Variants in ZNF200 observed in about 807,000 individuals in gnomAD.
ZNF200 encodes the protein zinc finger protein 200.
In ZNF200, 35 loss-of-function variants were observed where a neutral mutation model predicts 33.6. That is an observed-to-expected ratio of 1.04 (90% CI 0.80 to 1.38). ZNF200 has a LOEUF of 1.38. ZNF200 is among the 40% of genes most tolerant of loss of function. The pLI, the probability that ZNF200 is intolerant of heterozygous loss-of-function variation, is 0.00. For missense variants in ZNF200, 592 were observed against 470.6 expected (o/e 1.26, Z -2.39); for synonymous variants, 209 against 167.7 (o/e 1.25, Z -1.90).
intron 4 of ZNF200, chr16:3,227,870 A>C (rs887633145): frequency 6.6e-6 from 1 of 152,192 alleles, no homozygotes; most frequent in East Asian, 1.9e-4. Context: ...TTTATCACAC[A>C]CTAAACTCCC....
At position 3,233,518 on chromosome 16, in the gene ZNF200, G is replaced by A. The variant is rs199524171; in HGVS notation, c.238C>T (p.Leu80Phe). ...LVIMKDVSSSLQNRVHPRPLV... is the reference protein window; with the variant it reads ...LVIMKDVSSSFQNRVHPRPLV... ...ATGTGCTTCTCACCTCTGTTCTGAA[G>A]GCTTGAGCTCACATCTTTCATAATA... is the stretch of plus-strand genomic sequence containing the variant. The change falls in exon 2 of 5, where the codon CTT becomes TTT. Residue 80 changes from leucine to phenylalanine, a missense_variant. Coordinates refer to ENST00000414144, the MANE Select transcript of ZNF200 (RefSeq NM_198088.3). 1.2e-4 allele frequency: 189 copies of A among 1,558,256 alleles called. No individual in the cohort carries two copies. The highest frequency in any genetic ancestry group is 1.6e-4 in the Non-Finnish European group (183 of 1,153,668).
At position 3,231,693 on chromosome 16, in the gene ZNF200, C is replaced by T. The variant is rs116966004; in HGVS notation, c.466+728G>A. 5.3e-5 allele frequency among the ~76,000 whole-genome samples: 8 copies of T among 152,284 alleles called. No individual in the cohort carries two copies. In the East Asian group the frequency reaches 9.6e-4, roughly 18 times the overall value. The stretch of plus-strand genomic sequence containing the variant: ...GAATGCCCCATTCACCAACCATACA[C>T]GGAATTCATTGACAAAATTATGAGA... On this transcript the variant is annotated intron_variant, in intron 4 of 4. Transcript: ENST00000414144.
At chr16:3,230,894 G>T (rs1020921943) in intron 4 of ZNF200, among the ~76,000 whole-genome samples, 1 of 152,120 alleles carries the variant, frequency 6.6e-6, no homozygotes, top group Non-Finnish European at 1.5e-5. Flanking sequence ...CCTCAGTCTT[G>T]CGATAGCTCA....
At position 3,231,224 on chromosome 16, in the gene ZNF200, G is replaced by A. The variant is rs533584857; in HGVS notation, c.466+1197C>T. On this transcript the variant is annotated intron_variant, in intron 4 of 4. Coordinates refer to ENST00000414144, the MANE Select transcript of ZNF200 (RefSeq NM_198088.3). ...CACTAACCAGTCACCCAAAATAAAT[G>A]CCAGCTCTGCCCAAGACTCAGGAAA... Among the ~76,000 whole-genome samples, 5 of 152,226 alleles carry A rather than the reference G, an allele frequency of 3.3e-5. No individual in the cohort carries two copies. The South Asian group carries it at 6.2e-4, about 19-fold the overall frequency.
intron 4 of ZNF200, 110 bp from the exon 5 acceptor site, chr16:3,224,723 G>A: frequency 7.1e-7 from 1 of 1,404,436 alleles, no homozygotes; most frequent in Non-Finnish European, 9.5e-7. Context: ...AATCTGGGGA[G>A]TGGCGGATAC....
At chr16:3,228,154 T>C (rs2141626872) in intron 4 of ZNF200, among the ~76,000 whole-genome samples, 1 of 152,306 alleles carries the variant, frequency 6.6e-6, no homozygotes, top group Non-Finnish European at 1.5e-5. Context: ...AACTTTCATG[T>C]TTCTATTCTA....
In ZNF200 at chr16:3,224,226, C is replaced by G. The variant is rs754392450; in HGVS notation, c.854G>C (p.Cys285Ser). The G allele has an allele frequency of 6.2e-7, 1 of 1,614,158 alleles. No homozygotes were observed. The highest frequency in any genetic ancestry group is 8.5e-7 in the Non-Finnish European group (1 of 1,180,042). ...TGEKPYDCNH[C>S]GKSFNHKTNL... ...TGTTTTATGATTGAAGCTTTTCCCA[C>G]AGTGATTACAGTCATAGGGTTTTTC... Residue 285 changes from cysteine to serine, a missense_variant, in exon 5 of 5, where the codon TGT (cysteine) becomes TCT (serine). Coordinates refer to ENST00000414144, the MANE Select transcript of ZNF200 (RefSeq NM_198088.3).
intron 4 of ZNF200, 50 bp downstream of exon 4, chr16:3,232,371 G>A (rs1373974859): frequency 6.3e-7 from 1 of 1,595,234 alleles, no homozygotes; most frequent in Non-Finnish European, 8.6e-7. Context: ...TGAAGGACAT[G>A]CTTTTCCCAA....
In ZNF200 at chr16:3,224,247, T is replaced by C; in HGVS notation, c.833A>G (p.Lys278Arg). The change falls in exon 5 of 5, where the codon AAA becomes AGA. Residue 278 changes from lysine to arginine, a missense_variant. Coordinates refer to ENST00000414144, the MANE Select transcript of ZNF200 (RefSeq NM_198088.3). ...ISHQRTHTGEKPYDCNHCGKS... is the reference protein window; with the variant it reads ...ISHQRTHTGERPYDCNHCGKS... Reference sequence around the variant, plus strand: ...CCCACAGTGATTACAGTCATAGGGTTTTTCTCCAGTGTGGGTCCTCTGGTG... The same window carrying C: ...CCCACAGTGATTACAGTCATAGGGTCTTTCTCCAGTGTGGGTCCTCTGGTG... 1 of 1,614,144 alleles carries C rather than the reference T, an allele frequency of 6.2e-7. No homozygotes were observed.
intron 1 of ZNF200, 170 bp from the exon 2 acceptor site, chr16:3,234,006 G>A (rs1004246444): frequency 1.0e-5 from 4 of 389,616 alleles, no homozygotes; most frequent in Non-Finnish European, 1.3e-5. Flanking sequence ...AGGAAGATGT[G>A]AAAGGAAGAT....
chr16:3,223,982 G>C lies in ZNF200; in HGVS notation c.1098C>G (p.Cys366Trp). The change falls in exon 5 of 5, where the codon TGC (cysteine) becomes TGG (tryptophan). Residue 366 changes from cysteine (C) to tryptophan (W), a missense_variant. Transcript: ENST00000414144. ...QSHEAERPYGCKKCGRRFGRL... is the reference protein window; with the variant it reads ...QSHEAERPYGWKKCGRRFGRL... Reference sequence around the variant, plus strand: ...GACCAAATCTTCTCCCACATTTTTTGCAACCATATGGTCTCTCAGCCTCAT... The same window carrying C: ...GACCAAATCTTCTCCCACATTTTTTCCAACCATATGGTCTCTCAGCCTCAT... 1 of 1,613,732 alleles carries C rather than the reference G, an allele frequency of 6.2e-7. No individual in the cohort carries two copies. Among genetic ancestry groups the C allele is most frequent in the Non-Finnish European group, 8.5e-7 (1 of 1,179,928 alleles).
At chr16:3,233,454 G>C in intron 2 of ZNF200, 52 bp downstream of exon 2, 1 of 1,491,516 alleles carries the variant, frequency 6.7e-7, no homozygotes, top group Non-Finnish European at 8.9e-7. Flanking sequence ...ACCTATCTTA[G>C]ACTCCAGTAC....
Position 3,224,610 on chromosome 16 carries a change from A to C in ZNF200, c.470T>G (p.Val157Gly). The C allele has an allele frequency of 1.3e-6, 2 of 1,582,760 alleles. No homozygotes were observed. The highest frequency in any genetic ancestry group is 1.7e-6 in the Non-Finnish European group (2 of 1,164,272). ...SSVGEMMLLA[V>G]NGSNPEGEDP... is the part of the protein sequence containing the mutation. The stretch of plus-strand genomic sequence containing the variant: ...TTCACCTTCAGGATTACTGCCATTG[A>C]CTGCTGAAACAAAGAGAGAATTTAA... Residue 157 changes from valine to glycine, a missense_variant, in exon 5 of 5, where the codon GTC becomes GGC. Val to Gly is a moderately radical substitution (Grantham distance 109). Coordinates refer to ENST00000414144, the MANE Select transcript of ZNF200 (RefSeq NM_198088.3).
intron 4 of ZNF200, among the ~76,000 whole-genome samples, chr16:3,229,396 A>G (rs1301209913): frequency 1.3e-5 from 2 of 152,154 alleles, no homozygotes; most frequent in African/African-American, 4.8e-5. Context: ...GAAGGTATTA[A>G]TAAATACCAA....
chr16:3,224,663 G>C (rs1245068820), intron 4 of ZNF200, 50 bp from the exon 5 acceptor site: 1 of 1,518,528 alleles, frequency 6.6e-7, no homozygotes, highest in African/African-American at 1.4e-5. Context: ...CACAACACCA[G>C]GCAGGAAAAA....
At chr16:3,232,980 C>T in intron 2 of ZNF200, 59 bp from the exon 3 acceptor site, 1 of 1,491,922 alleles carries the variant, frequency 6.7e-7, no homozygotes, top group East Asian at 2.3e-5. Context: ...ACAGAGACTC[C>T]CCATACCGCG....
intron 4 of ZNF200, among the ~76,000 whole-genome samples, chr16:3,231,273 C>A (rs1958628561): frequency 1.3e-5 from 2 of 152,142 alleles, no homozygotes; most frequent in South Asian, 4.1e-4. Context: ...TAAATCTGAT[C>A]TTTTTATCCT....
chr16:3,223,708 T>TC lies in ZNF200; in HGVS notation c.*183_*184insG. 2 of 901,478 alleles carry TC rather than the reference T, an allele frequency of 2.2e-6. No individual in the cohort carries two copies. Among genetic ancestry groups the TC allele is most frequent in the South Asian group, 3.8e-5 (2 of 53,060 alleles). 55.8% of individuals were successfully genotyped at this position (901,478 alleles called of 1,614,324 possible). A position where few individuals can be genotyped will look rare whatever the true frequency, so the allele number is the denominator to read the frequency against. On this transcript the variant is annotated 3_prime_UTR_variant, in exon 5 of 5. Transcript: ENST00000414144. ...AGATGCTGAGGTATAGCCCTTGAAA[T>TC]GTTTTCTTCCCTGTGAATTTTCTAG...
At position 3,224,529 on chromosome 16, in the gene ZNF200, T is replaced by G. The variant is rs748764909; in HGVS notation, c.551A>C (p.Asp184Ala). 2.3e-5 allele frequency: 37 copies of G among 1,614,096 alleles called. No homozygotes were observed. Among genetic ancestry groups the G allele is most frequent in the Non-Finnish European group, 2.6e-5 (31 of 1,180,046 alleles). Residue 184 changes from aspartate (D) to alanine (A), a missense_variant, in exon 5 of 5, where the codon GAT becomes GCT. Transcript: ENST00000414144. Reference sequence around the variant, plus strand: ...GACCAAGGAAGAATCCATTTCATCATCATCTGAAGACTTTTCTCTATAATC... The same window carrying G: ...GACCAAGGAAGAATCCATTTCATCAGCATCTGAAGACTTTTCTCTATAATC... ...NEDYREKSSD[D>A]DEMDSSLVSQ...
Sources: gnomAD v4.1 joint callset for allele counts (sites outside exome capture counted in the v4.1 genomes callset) on GRCh38, gnomAD v4.1.1 for gene constraint, MANE v1.5 for transcripts, NCBI Gene and HGNC (gene_info 2026-07-23, HGNC 2026-07-21) for gene names.